FER1L5: variants seen among roughly 807,000 people sequenced by gnomAD.
FER1L5 encodes fer-1-like protein 5.
Under a neutral mutation model 279.9 loss-of-function variants are expected in FER1L5, and 187 were observed. The ratio of observed to expected loss-of-function variants is 0.67; its 90% CI spans 0.59 to 0.75. The LOEUF (loss-of-function observed/expected upper bound fraction) is 0.75. Ranked by LOEUF, FER1L5 falls within the 30% of genes least tolerant of loss-of-function variation. The probability of loss-of-function intolerance (pLI) is 0.00; values close to 1 mark genes in which losing one functional copy is unlikely to be tolerated. For missense variants in FER1L5, 2,091 were observed against 2,594.4 expected, an observed-to-expected ratio of 0.81 and a Z score of 4.21; for synonymous variants, 921 against 989.7, an observed-to-expected ratio of 0.93 and a Z score of 1.30.
chr2:96,672,298 G>A (rs906667189), intron 18 of FER1L5, among the ~76,000 whole-genome samples: 2 of 151,942 alleles, frequency 1.3e-5, no homozygotes, highest in African/African-American at 4.8e-5. Flanking sequence ...GGATGGTCTT[G>A]ATCTCTTGAC....
Position 96,695,798 on chromosome 2 carries a change from C to T in FER1L5, c.3951C>T (p.Asn1317=). 1.2e-6 allele frequency: 2 copies of T among 1,613,028 alleles called. No homozygotes were observed. Among genetic ancestry groups the T allele is most frequent in the Non-Finnish European group, 1.7e-6 (2 of 1,179,524 alleles). The change falls in exon 36 of 53, where the codon AAC becomes AAT. Residue 1317 remains asparagine, a synonymous_variant. Transcript: ENST00000624922. ...CCCTCGTGGTGAAGGTGGTAGACAACTGGGCCTTCGGCCAGCAGACCGTGA... is the reference window on the plus strand; with the variant it reads ...CCCTCGTGGTGAAGGTGGTAGACAATTGGGCCTTCGGCCAGCAGACCGTGA... ...ALPLVVKVVD[N]WAFGQQTVTG...
In FER1L5 at chr2:96,689,186, C is replaced by T. The variant is rs1314470281; in HGVS notation, c.2362-27C>T. The stretch of plus-strand genomic sequence containing the variant: ...CCGCACTTTGTGCTAGAGGAGGCGG[C>T]CGCCCTGACAAGCTTCCCTCCCCTA... On this transcript the variant is annotated intron_variant, in intron 24 of 52. Transcript: ENST00000624922. The surrounding 1 kb of genome is among the most constrained non-coding windows in gnomAD (Gnocchi z 4.6). 1.3e-6 allele frequency: 2 copies of T among 1,546,928 alleles called. No homozygotes were observed. Among genetic ancestry groups the T allele is most frequent in the Non-Finnish European group, 1.7e-6 (2 of 1,145,394 alleles).
chr2:96,659,345 C>CTTT (rs1558853269), intron 9 of FER1L5, among the ~76,000 whole-genome samples: 2 of 83,320 alleles, frequency 2.4e-5, no homozygotes, highest in East Asian at 4.0e-4. Flanking sequence ...TTCCTTCCTT[C>CTTT]CTTCCTTCCT....
chr2:96,680,080 C>T (rs966302531), intron 19 of FER1L5, among the ~76,000 whole-genome samples: 6 of 152,106 alleles, frequency 3.9e-5, no homozygotes, highest in East Asian at 3.9e-4. Flanking sequence ...GCTGCTGCTG[C>T]GCTTCACCCC....
intron 19 of FER1L5, among the ~76,000 whole-genome samples, chr2:96,678,418 A>ATTGTGCCTGGCCACAT (rs1199686933): frequency 6.7e-6 from 1 of 148,686 alleles, no homozygotes; most frequent in African/African-American, 2.5e-5. Flanking sequence ...GGTGTGAGCC[A>ATTGTGCCTGGCCACAT]CTGCACTCAG....
intron 35 of FER1L5, 22 bp from the exon 36 acceptor site, chr2:96,695,720 C>A (rs1055874855): frequency 1.2e-6 from 2 of 1,610,512 alleles, no homozygotes; most frequent in African/African-American, 1.3e-5. Context: ...CTCACGCTCC[C>A]CACGTCTCCT....
Position 96,691,203 on chromosome 2 carries a change from A to G in FER1L5, c.2757A>G (p.Gly919=). 3 of 1,549,124 alleles carry G rather than the reference A, an allele frequency of 1.9e-6. No individual in the cohort carries two copies. Among genetic ancestry groups the G allele is most frequent in the Non-Finnish European group, 2.6e-6 (3 of 1,146,176 alleles). ...CACCCACCGCAGGCTGGGAGTATGG[A>G]GTGGGGATCCCACCGTCGGGCCTGC... ...HAVDSKGWEY[G]VGIPPSGLPQ... is the part of the protein sequence containing the mutation. Residue 919 remains glycine, a synonymous_variant, in exon 28 of 53, where the codon GGA becomes GGG. Transcript: ENST00000624922. The surrounding 1 kb of genome is among the most constrained non-coding windows in gnomAD (Gnocchi z 6.0).
rs751667397 is a variant in FER1L5, at chr2:96,702,450, C to G, written c.5255+49C>G. 19 of 1,574,822 alleles carry G rather than the reference C, an allele frequency of 1.2e-5. No individual in the cohort carries two copies. In the South Asian group the frequency reaches 2.0e-4, roughly 16 times the overall value. ...GGCAGAGCCCCTCAGTTCCCCAGTT[C>G]TGTCATCCTGCTGGCACGGCCCAGT... On this transcript the variant is annotated intron_variant, in intron 47 of 52. Transcript: ENST00000624922. The surrounding 1 kb of genome is among the most constrained non-coding windows in gnomAD (Gnocchi z 4.0).
At position 96,689,914 on chromosome 2, in the gene FER1L5, T is replaced by C. The variant is rs148852925; in HGVS notation, c.2640+156T>C. Among the ~76,000 whole-genome samples, 2 of 152,282 alleles carry C rather than the reference T, an allele frequency of 1.3e-5. No individual in the cohort carries two copies. The highest frequency in any genetic ancestry group is 3.9e-4 in the East Asian group (2 of 5,166). On this transcript the variant is annotated intron_variant, in intron 26 of 52. Coordinates refer to ENST00000624922, the MANE Select transcript of FER1L5 (RefSeq NM_001293083.2). The surrounding 1 kb of genome is among the most constrained non-coding windows in gnomAD (Gnocchi z 4.6). ...AGCGCACCAGCCCTCAGGCACTCTC[T>C]CTCAGCACTGATGGGGTGAGGGGTT...
chr2:96,696,964 G>A (rs1301594863), intron 37 of FER1L5, among the ~76,000 whole-genome samples: 2 of 152,052 alleles, frequency 1.3e-5, no homozygotes, highest in Admixed American at 1.3e-4. Context: ...GGCTGTTCTT[G>A]AACTCCTTAG....
chr2:96,647,025 G>A (rs2075161453), intron 2 of FER1L5, 39 bp from the exon 3 acceptor site: 2 of 1,539,796 alleles, frequency 1.3e-6, no homozygotes, highest in African/African-American at 1.4e-5. Flanking sequence ...GGATGGGAAG[G>A]GCAGAGGGAG....
chr2:96,697,859 G>T, intron 39 of FER1L5, 98 bp downstream of exon 39: 1 of 1,487,258 alleles, frequency 6.7e-7, no homozygotes, highest in South Asian at 1.2e-5. Context: ...AAGTGGGAAG[G>T]TTCCCGCACT....
rs201320914 is a variant in FER1L5, at chr2:96,657,377, G to GT, written c.747+2889dup. ...GGCATGAGCCACCATGCCTTGCCCT[G>GT]TTTTTTTTATGTTATGGTTTTATTG... On this transcript the variant is annotated intron_variant, in intron 9 of 52. Coordinates refer to ENST00000624922, the MANE Select transcript of FER1L5 (RefSeq NM_001293083.2). Among the ~76,000 whole-genome samples, 243 of 151,778 alleles carry GT rather than the reference G, an allele frequency of 1.6e-3. 1 individual carries two copies. Among genetic ancestry groups the GT allele is most frequent in the East Asian group, 0.01 (53 of 5,168 alleles).
intron 9 of FER1L5, among the ~76,000 whole-genome samples, chr2:96,655,109 A>G (rs777192756): frequency 6.6e-6 from 1 of 152,196 alleles, no homozygotes; most frequent in Non-Finnish European, 1.5e-5. Context: ...CACTCCCATG[A>G]TACTGTGGAC....
chr2:96,674,475 C>T (rs533697602), intron 19 of FER1L5, among the ~76,000 whole-genome samples: 33 of 152,298 alleles, frequency 2.2e-4, no homozygotes, highest in Admixed American at 1.8e-3. Flanking sequence ...CCACCCATCT[C>T]GGTCTCCCAA....
chr2:96,663,584 G>A, intron 14 of FER1L5, 77 bp downstream of exon 14: 2 of 1,500,722 alleles, frequency 1.3e-6, no homozygotes, highest in East Asian at 2.5e-5. Context: ...TTGTGTGGGG[G>A]TGAAGACAGA....
chr2:96,661,869 C>T, intron 12 of FER1L5, 78 bp downstream of exon 12: 1 of 1,527,732 alleles, frequency 6.5e-7, no homozygotes, highest in South Asian at 1.2e-5. Flanking sequence ...ATGGAGTTTC[C>T]TCATTCCTTT....
intron 7 of FER1L5, 174 bp from the exon 8 acceptor site, chr2:96,653,466 G>T (rs2075467882): frequency 4.9e-6 from 3 of 611,016 alleles, no homozygotes; most frequent in Middle Eastern, 3.5e-4. Context: ...AGATTTTGGA[G>T]CATTTTTTAT....
chr2:96,659,080 C>T (rs1401299975), intron 9 of FER1L5, among the ~76,000 whole-genome samples: 1 of 151,794 alleles, frequency 6.6e-6, no homozygotes, highest in Admixed American at 6.6e-5. Flanking sequence ...TACAGGCGCC[C>T]ACCACCACAC....
Sources: gnomAD v4.1 joint callset for allele counts (sites outside exome capture counted in the v4.1 genomes callset) on GRCh38, gnomAD v4.1.1 for gene constraint, Gnocchi (gnomAD v3.1) non-coding constraint, MANE v1.5 for transcripts, NCBI Gene and HGNC (gene_info 2026-07-23, HGNC 2026-07-21) for gene names.